The following DMD variants were observed in gnomAD, a reference collection of about 807,000 sequenced individuals.
DMD encodes the protein mutant dystrophin.
A neutral mutation model predicts 330.1 loss-of-function variants in DMD; 63 were observed. The ratio of observed to expected loss-of-function variants is 0.19; its 90% CI spans 0.16 to 0.24. DMD has a LOEUF of 0.24. Ranked by LOEUF, DMD falls within the 10% of genes least tolerant of loss-of-function variation. DMD has a pLI of 1.00. For missense variants in DMD, 3,344 were observed against 2,684.1 expected (o/e 1.25, Z -5.43); for synonymous variants, 1,223 against 959.8 (o/e 1.27, Z -5.07).
intron 18 of DMD, among the ~76,000 whole-genome samples, chrX:32,503,822 G>A (rs938454882): frequency 2.7e-5 from 3 of 111,643 alleles, no homozygotes; most frequent in East Asian, 2.8e-4. Context: ...GGGGTGGGGC[G>A]GGGGGATTAC....
intron 44 of DMD, among the ~76,000 whole-genome samples, chrX:32,154,381 A>T (rs1252260682): frequency 1.8e-5 from 2 of 112,636 alleles, no homozygotes; most frequent in Non-Finnish European, 3.7e-5. Context: ...TATCTTCTTT[A>T]CATAACCGTA....
At chrX:32,189,762 G>A (rs149423441) in intron 44 of DMD, among the ~76,000 whole-genome samples, 64 of 110,835 alleles carry the variant, frequency 5.8e-4, no homozygotes, top group African/African-American at 2.1e-3. Context: ...AAGGTCACGT[G>A]GGTGGCAAAT....
At chrX:32,707,443 A>C (rs1442648191) in intron 7 of DMD, among the ~76,000 whole-genome samples, 1 of 111,942 alleles carries the variant, frequency 8.9e-6, no homozygotes, top group Non-Finnish European at 1.9e-5. Context: ...GCAAATGCAC[A>C]GAAGCTGGTG....
chrX:31,268,187 G>A (rs764942380), intron 62 of DMD, among the ~76,000 whole-genome samples: 5 of 111,706 alleles, frequency 4.5e-5, no homozygotes, highest in African/African-American at 6.5e-5. Flanking sequence ...CACCATATCC[G>A]GCTTCTTTTG....
rs748421115 is a variant in DMD at position 32,777,862 on chromosome X, T to C, written c.649+31631A>G. Among the ~76,000 whole-genome samples the C allele has an allele frequency of 1.4e-4, 16 of 112,641 alleles. No homozygotes were observed. In the East Asian group the frequency reaches 3.1e-3, roughly 22 times the overall value. ...GTATCAAGTATACATTCTTATGCCC[T>C]GTGCACATCGCTGCTCAATTTTGGA... On this transcript the variant is annotated intron_variant, in intron 7 of 78. Transcript: ENST00000357033.
intron 42 of DMD, among the ~76,000 whole-genome samples, chrX:32,307,281 G>C (rs947814840): frequency 9.0e-6 from 1 of 111,409 alleles, no homozygotes; most frequent in African/African-American, 3.3e-5. Context: ...TCCTGGAACA[G>C]AATTTTGGGT....
chrX:32,666,157 G>A (rs2147141794), intron 9 of DMD, among the ~76,000 whole-genome samples: 1 of 111,110 alleles, frequency 9.0e-6, no homozygotes, highest in East Asian at 2.8e-4. Flanking sequence ...AATATGACAA[G>A]GACAGTACAG....
intron 4 of DMD, among the ~76,000 whole-genome samples, chrX:32,840,118 C>G (rs1392822097): frequency 1.8e-5 from 2 of 112,081 alleles, no homozygotes; most frequent in African/African-American, 6.5e-5. Flanking sequence ...GTTTTGTCCT[C>G]TAACGCATAG....
chrX:33,031,735 C>A (rs1188792104), intron 1 of DMD, among the ~76,000 whole-genome samples: 1 of 110,835 alleles, frequency 9.0e-6, no homozygotes, highest in African/African-American at 3.3e-5. Context: ...CATGCCACTG[C>A]ACTCCAGCCC....
At position 31,190,488 on chromosome X, in the gene DMD, C is replaced by T. The variant is rs187289842; in HGVS notation, c.9808-7584G>A. On this transcript the variant is annotated intron_variant, in intron 67 of 78. Transcript: ENST00000357033. ...TCTCAGGCATGTAACCATGAACCCT[C>T]CTCCTTTCATGCTGCCCTGGCTCTA... Among the ~76,000 whole-genome samples the T allele has an allele frequency of 6.1e-3, 649 of 106,119 alleles. 3 individuals carry two copies. The highest frequency in any genetic ancestry group is 0.015 in the Admixed American group (148 of 9,726). The allele number at this position is 106,119 out of a possible 115,157, so 92.2% of individuals were successfully genotyped here.
chrX:32,095,843 A>G lies in DMD; in HGVS notation c.6438+121073T>C, dbSNP rs139879306. Among the ~76,000 whole-genome samples the G allele has an allele frequency of 3.3e-4, 37 of 111,503 alleles. 1 individual carries two copies. In the East Asian group the frequency reaches 9.9e-3, roughly 30 times the overall value. Reference sequence around the variant, plus strand: ...GTGGCTGCTAGTATGAATTAAGCACATATACCATGTGCCTAGCTAAATGGC... The same window carrying G: ...GTGGCTGCTAGTATGAATTAAGCACGTATACCATGTGCCTAGCTAAATGGC... On this transcript the variant is annotated intron_variant, in intron 44 of 78. Coordinates refer to ENST00000357033, the MANE Select transcript of DMD (RefSeq NM_004006.3).
At chrX:32,242,842 A>T (rs933932040) in intron 43 of DMD, among the ~76,000 whole-genome samples, 1 of 109,786 alleles carries the variant, frequency 9.1e-6, no homozygotes, top group Non-Finnish European at 1.9e-5. Context: ...TTGGGAGGTC[A>T]CAATTTTTGT....
intron 2 of DMD, among the ~76,000 whole-genome samples, chrX:32,884,536 T>C (rs899330896): frequency 1.3e-4 from 14 of 111,231 alleles, no homozygotes; most frequent in African/African-American, 4.6e-4. Flanking sequence ...CAATGGAGAG[T>C]CTGACAGAAA....
intron 1 of DMD, among the ~76,000 whole-genome samples, chrX:33,117,512 A>G (rs759158080): frequency 6.7e-4 from 75 of 111,749 alleles, no homozygotes; most frequent in Admixed American, 3.8e-3. Flanking sequence ...TTATACCTCA[A>G]TAAAGCTGGG....
intron 1 of DMD, among the ~76,000 whole-genome samples, chrX:33,180,099 G>T (rs1196490295): frequency 8.9e-6 from 1 of 111,780 alleles, no homozygotes; most frequent in Non-Finnish European, 1.9e-5. Flanking sequence ...GCCTCCCAAA[G>T]TGCTGGGATT....
chrX:32,487,884 G>A (rs228308), intron 20 of DMD, among the ~76,000 whole-genome samples: 50,422 of 110,325 alleles, frequency 0.46, 9,496 homozygotes, highest in East Asian at 0.67. Flanking sequence ...AAGACAAGAG[G>A]TAAAGGGTAA....
chrX:32,650,322 T>G (rs1435237806), intron 9 of DMD, among the ~76,000 whole-genome samples: 1 of 112,142 alleles, frequency 8.9e-6, no homozygotes. Flanking sequence ...CAAGAACATT[T>G]GCAAATTTTA....
At chrX:33,072,342 T>C (rs1342307452) in intron 1 of DMD, among the ~76,000 whole-genome samples, 4 of 111,646 alleles carry the variant, frequency 3.6e-5, no homozygotes, top group Admixed American at 1.9e-4. Context: ...CATTTGAACC[T>C]GGGAGATGGA....
At chrX:32,572,249 G>A (rs889158304) in intron 15 of DMD, among the ~76,000 whole-genome samples, 1 of 111,533 alleles carries the variant, frequency 9.0e-6, no homozygotes, top group African/African-American at 3.3e-5. Flanking sequence ...AAAAATGTAT[G>A]AAACAAATAA....
Sources: gnomAD v4.1 joint callset for allele counts (sites outside exome capture counted in the v4.1 genomes callset) on GRCh38, gnomAD v4.1.1 for gene constraint, MANE v1.5 for transcripts, NCBI Gene and HGNC (gene_info 2026-07-23, HGNC 2026-07-21) for gene names.